The following CNTN5 variants were observed in gnomAD, a reference collection of about 807,000 sequenced individuals.
CNTN5 encodes contactin 5.
In CNTN5, 77 loss-of-function variants were observed where a neutral mutation model predicts 129.1. That is an observed-to-expected ratio of 0.60 (90% CI 0.50 to 0.72). CNTN5 has a LOEUF of 0.72. CNTN5 is among the 30% of genes least tolerant of loss of function. The probability of loss-of-function intolerance (pLI) is 0.00; values close to 1 mark genes in which losing one functional copy is unlikely to be tolerated. For synonymous variants in CNTN5, 509 were observed against 465.6 expected, an observed-to-expected ratio of 1.09 and a Z score of -1.20; for missense variants, 1,478 against 1,328.8, an observed-to-expected ratio of 1.11 and a Z score of -1.75.
intron 1 of CNTN5, among the ~76,000 whole-genome samples, chr11:99,235,177 T>C (rs183456621): frequency 3.3e-5 from 5 of 152,190 alleles, no homozygotes; most frequent in African/African-American, 9.6e-5. Flanking sequence ...GTATGTTCTT[T>C]GGGGAGTGGG....
chr11:99,246,235 G>A (rs1387780098), intron 1 of CNTN5, among the ~76,000 whole-genome samples: 2 of 152,124 alleles, frequency 1.3e-5, no homozygotes, highest in Non-Finnish European at 2.9e-5. Context: ...ATCAGGTAAC[G>A]CTGTAAGAAC....
intron 2 of CNTN5, among the ~76,000 whole-genome samples, chr11:99,489,345 T>C (rs1400282701): frequency 6.6e-6 from 1 of 152,198 alleles, no homozygotes; most frequent in Non-Finnish European, 1.5e-5. Context: ...TATTCTGGTA[T>C]ATAAGCATGT....
intron 18 of CNTN5, among the ~76,000 whole-genome samples, chr11:100,291,657 C>T (rs1254380813): frequency 4.6e-5 from 7 of 151,194 alleles, no homozygotes; most frequent in Admixed American, 3.3e-4. Flanking sequence ...TGCTAGATGA[C>T]GAGTTAGTGG....
intron 4 of CNTN5, among the ~76,000 whole-genome samples, chr11:99,844,129 C>T: frequency 6.6e-6 from 1 of 152,170 alleles, no homozygotes. Context: ...TATTAGCTAA[C>T]TAAAATAGAA....
chr11:99,406,372 C>T (rs899979901), intron 2 of CNTN5, among the ~76,000 whole-genome samples: 3 of 147,854 alleles, frequency 2.0e-5, no homozygotes, highest in South Asian at 4.4e-4. Flanking sequence ...CATTCTTGTT[C>T]TTTTCCCATA....
intron 16 of CNTN5, among the ~76,000 whole-genome samples, chr11:100,231,631 C>A (rs115180149): frequency 6.6e-6 from 1 of 152,052 alleles, no homozygotes; most frequent in African/African-American, 2.4e-5. Context: ...TTTGTGGTCC[C>A]CTAATAGAGA....
intron 2 of CNTN5, among the ~76,000 whole-genome samples, chr11:99,401,129 G>C (rs568864695): frequency 2.2e-4 from 33 of 152,066 alleles, no homozygotes; most frequent in East Asian, 1.4e-3. Context: ...CTGTGTTTTG[G>C]GGGTATTACT....
At chr11:99,217,359 C>G (rs1259416769) in intron 1 of CNTN5, among the ~76,000 whole-genome samples, 1 of 152,098 alleles carries the variant, frequency 6.6e-6, no homozygotes, top group African/African-American at 2.4e-5. Context: ...TCAGAGAATG[C>G]TGATCAAAAC....
At chr11:99,921,090 C>G (rs979438200) in intron 7 of CNTN5, among the ~76,000 whole-genome samples, 1 of 152,100 alleles carries the variant, frequency 6.6e-6, no homozygotes, top group African/African-American at 2.4e-5. Context: ...TCACCTAATC[C>G]CAGACTTCCA....
chr11:99,080,738 T>C (rs1865757166), intron 1 of CNTN5, among the ~76,000 whole-genome samples: 1 of 152,152 alleles, frequency 6.6e-6, no homozygotes, highest in South Asian at 2.1e-4. Flanking sequence ...GAGGAAGGAA[T>C]AGCTATTGAA....
At chr11:100,097,003 AT>A (rs1256915864) in intron 13 of CNTN5, among the ~76,000 whole-genome samples, 1 of 152,046 alleles carries the variant, frequency 6.6e-6, no homozygotes, top group Non-Finnish European at 1.5e-5. Flanking sequence ...TCTTCTCTTC[AT>A]TTGTTTCTTA....
intron 1 of CNTN5, among the ~76,000 whole-genome samples, chr11:99,029,759 T>C (rs1863274027): frequency 6.6e-6 from 1 of 152,132 alleles, no homozygotes; most frequent in African/African-American, 2.4e-5. Context: ...AAGAGAATAA[T>C]ATTTATCTCA....
chr11:99,679,468 T>C (rs1953457314), intron 3 of CNTN5, among the ~76,000 whole-genome samples: 1 of 152,000 alleles, frequency 6.6e-6, no homozygotes, highest in South Asian at 2.1e-4. Flanking sequence ...TAATATTATG[T>C]CTCTTAAGGA....
At chr11:99,531,938 A>G (rs1183797688) in intron 2 of CNTN5, among the ~76,000 whole-genome samples, 2 of 152,140 alleles carry the variant, frequency 1.3e-5, no homozygotes, top group Non-Finnish European at 2.9e-5. Context: ...AAAGGGAAAT[A>G]TGAGGTCGGA....
At chr11:99,800,767 T>A (rs1198243293) in intron 3 of CNTN5, among the ~76,000 whole-genome samples, 1 of 152,170 alleles carries the variant, frequency 6.6e-6, no homozygotes, top group Admixed American at 6.5e-5. Context: ...TTCTAATTGT[T>A]TAACCGATCT....
intron 16 of CNTN5, among the ~76,000 whole-genome samples, chr11:100,241,994 G>A (rs1300616927): frequency 6.6e-6 from 1 of 152,098 alleles, no homozygotes; most frequent in Non-Finnish European, 1.5e-5. Context: ...TTGCCTTATC[G>A]TTTCAATGGC....
Position 100,116,460 on chromosome 11 carries a change from G to A in CNTN5, c.1580+42166G>A, listed in dbSNP as rs1945843533. ...TTGGACTTAGAAGAGTACTAACATAGTATATTCAGGTATCACTGATTACTG... is the reference window on the plus strand; with the variant it reads ...TTGGACTTAGAAGAGTACTAACATAATATATTCAGGTATCACTGATTACTG... On this transcript the variant is annotated intron_variant, in intron 13 of 24. Coordinates refer to ENST00000524871, the MANE Select transcript of CNTN5 (RefSeq NM_014361.4). Among the ~76,000 whole-genome samples the A allele has an allele frequency of 2.0e-5, 3 of 151,458 alleles. No individual in the cohort carries two copies. In the South Asian group the frequency reaches 6.2e-4, roughly 32 times the overall value.
intron 3 of CNTN5, among the ~76,000 whole-genome samples, chr11:99,755,821 A>G (rs571984268): frequency 6.6e-6 from 1 of 152,098 alleles, no homozygotes; most frequent in Non-Finnish European, 1.5e-5. Flanking sequence ...GTATATTTTT[A>G]TACTGAAGAA....
At chr11:100,009,190 A>T (rs1037245125) in intron 9 of CNTN5, among the ~76,000 whole-genome samples, 40 of 152,110 alleles carry the variant, frequency 2.6e-4, no homozygotes, top group African/African-American at 9.4e-4. Context: ...CCTCTACTTA[A>T]ATCTGAATTT....
Sources: allele counts gnomAD v4.1 joint callset (sites outside exome capture counted in the v4.1 genomes callset), GRCh38; gene constraint gnomAD v4.1.1; transcripts MANE v1.5; gene names NCBI Gene and HGNC (gene_info 2026-07-23, HGNC 2026-07-21).